The following LRFN5 variants were observed in gnomAD, a reference collection of about 807,000 sequenced individuals.
LRFN5 encodes the protein leucine-rich repeat and fibronectin type-III domain-containing protein 5.
Under a neutral mutation model 45.6 loss-of-function variants are expected in LRFN5, and 24 were observed. That is an observed-to-expected ratio of 0.53 (90% CI 0.38 to 0.74). The LOEUF (loss-of-function observed/expected upper bound fraction) is 0.74, where lower values mean the gene tolerates loss of function less well. LRFN5 is among the 30% of genes least tolerant of loss of function. LRFN5 has a pLI of 0.00. For synonymous variants in LRFN5, 340 were observed against 313.8 expected (o/e 1.08, Z -0.88); for missense variants, 776 against 861.5 (o/e 0.90, Z 1.24).
chr14:41,698,698 T>G (rs562948649), intron 1 of LRFN5, among the ~76,000 whole-genome samples: 2 of 152,108 alleles, frequency 1.3e-5, no homozygotes, highest in Non-Finnish European at 2.9e-5. Flanking sequence ...GTTGTTTCTT[T>G]GAGAGTTAAT....
At chr14:41,745,288 A>G (rs1017540801) in intron 1 of LRFN5, among the ~76,000 whole-genome samples, 5 of 152,160 alleles carry the variant, frequency 3.3e-5, no homozygotes, top group Admixed American at 2.6e-4. Flanking sequence ...AATAACACAA[A>G]TGGGTCAAAA....
intron 2 of LRFN5, among the ~76,000 whole-genome samples, chr14:41,835,682 C>G (rs1017787311): frequency 6.6e-6 from 1 of 152,040 alleles, no homozygotes; most frequent in South Asian, 2.1e-4. Context: ...ACCACGGTCA[C>G]GCTACTGCAC....
At chr14:41,620,180 T>G (rs533696870) in intron 1 of LRFN5, among the ~76,000 whole-genome samples, 1 of 152,054 alleles carries the variant, frequency 6.6e-6, no homozygotes, top group Non-Finnish European at 1.5e-5. Flanking sequence ...TAAATTTCCT[T>G]AAAGATTGAT....
intron 2 of LRFN5, among the ~76,000 whole-genome samples, chr14:41,874,132 T>C (rs1285692432): frequency 6.6e-6 from 1 of 152,164 alleles, no homozygotes; most frequent in East Asian, 1.9e-4. Flanking sequence ...TCTACTGTGC[T>C]GAGGTAGCAG....
At chr14:41,610,661 T>TAAAAAAAAAAAAA (rs199770856) in intron 1 of LRFN5, among the ~76,000 whole-genome samples, 846 of 37,216 alleles carry the variant, frequency 0.023, 139 homozygotes, top group Non-Finnish European at 0.03. Flanking sequence ...CCAGGGAAGG[T>TAAAAAAAAAAAAA]AAAAAAAAAA....
chr14:41,851,632 G>C (rs1251015363), intron 2 of LRFN5, among the ~76,000 whole-genome samples: 1 of 151,656 alleles, frequency 6.6e-6, no homozygotes, highest in Non-Finnish European at 1.5e-5. Context: ...TTCTGAAGCT[G>C]TTCAAAACAA....
chr14:41,899,535 GT>G (rs1891043291), intron 5 of LRFN5, among the ~76,000 whole-genome samples: 1 of 152,080 alleles, frequency 6.6e-6, no homozygotes, highest in Non-Finnish European at 1.5e-5. Context: ...TTTGAAATGA[GT>G]ATTTGATTCT....
chr14:41,627,520 T>A (rs1358112534), intron 1 of LRFN5, among the ~76,000 whole-genome samples: 1 of 152,186 alleles, frequency 6.6e-6, no homozygotes, highest in Non-Finnish European at 1.5e-5. Context: ...TATTAGCAGC[T>A]ATACATTTGA....
chr14:41,655,236 T>G (rs1166859691), intron 1 of LRFN5, among the ~76,000 whole-genome samples: 2 of 151,980 alleles, frequency 1.3e-5, no homozygotes, highest in Non-Finnish European at 2.9e-5. Context: ...TGCTAATAGA[T>G]TCTAGGGAAA....
intron 1 of LRFN5, among the ~76,000 whole-genome samples, chr14:41,703,266 C>T (rs142698624): frequency 6.6e-6 from 1 of 152,216 alleles, no homozygotes; most frequent in East Asian, 1.9e-4. Context: ...ATAGCATGTG[C>T]ATATGTTATA....
chr14:41,863,932 T>G (rs1889755811), intron 2 of LRFN5, among the ~76,000 whole-genome samples: 1 of 151,672 alleles, frequency 6.6e-6, no homozygotes, highest in Non-Finnish European at 1.5e-5. Flanking sequence ...AAACATGCAG[T>G]GTTTGGCTTT....
intron 2 of LRFN5, among the ~76,000 whole-genome samples, chr14:41,832,075 A>G (rs749274154): frequency 5.9e-5 from 9 of 152,096 alleles, no homozygotes; most frequent in Non-Finnish European, 1.3e-4. Flanking sequence ...TCCAAACCCC[A>G]TCTTCAAATA....
At chr14:41,720,394 A>G (rs994445086) in intron 1 of LRFN5, among the ~76,000 whole-genome samples, 1 of 152,084 alleles carries the variant, frequency 6.6e-6, no homozygotes, top group Non-Finnish European at 1.5e-5. Context: ...ACAGCAATGA[A>G]CATAAGAGTA....
chr14:41,778,563 G>A (rs551949262), intron 2 of LRFN5, among the ~76,000 whole-genome samples: 11 of 151,550 alleles, frequency 7.3e-5, no homozygotes, highest in African/African-American at 2.2e-4. Context: ...GAATAATATT[G>A]TGCTATTATT....
At chr14:41,701,502 A>C (rs763882440) in intron 1 of LRFN5, 43 of 152,194 alleles carry the variant, frequency 2.8e-4, no homozygotes, top group Non-Finnish European at 5.6e-4. Flanking sequence ...TCTTTAAACA[A>C]AGAAGATGTC....
intron 3 of LRFN5, among the ~76,000 whole-genome samples, chr14:41,888,279 C>A (rs1212964854): frequency 1.3e-5 from 2 of 152,012 alleles, no homozygotes; most frequent in Non-Finnish European, 2.9e-5. Context: ...GAGAACAACA[C>A]TGATTTATTA....
At chr14:41,876,472 A>AT (rs1890193975) in intron 2 of LRFN5, among the ~76,000 whole-genome samples, 1 of 117,114 alleles carries the variant, frequency 8.5e-6, no homozygotes, top group Admixed American at 8.9e-5. Context: ...TTTTTCTTGT[A>AT]TTTTTAGTAG....
chr14:41,694,123 A>G (rs1366807519), intron 1 of LRFN5, among the ~76,000 whole-genome samples: 2 of 152,020 alleles, frequency 1.3e-5, no homozygotes, highest in African/African-American at 4.8e-5. Context: ...TATGTGTACA[A>G]TGTGGAGTGG....
chr14:41,709,542 A>C (rs1883201671), intron 1 of LRFN5, among the ~76,000 whole-genome samples: 1 of 152,030 alleles, frequency 6.6e-6, no homozygotes, highest in African/African-American at 2.4e-5. Context: ...TTTCCTAGTC[A>C]TATTTTAAGC....
Sources: gnomAD v4.1 joint callset for allele counts (sites outside exome capture counted in the v4.1 genomes callset) on GRCh38, gnomAD v4.1.1 for gene constraint, MANE v1.5 for transcripts, NCBI Gene and HGNC (gene_info 2026-07-23, HGNC 2026-07-21) for gene names.